EYA4: variants seen among roughly 807,000 people sequenced by gnomAD.
EYA4 encodes the protein EYA transcriptional coactivator and phosphatase 4.
Under a neutral mutation model 87.9 loss-of-function variants are expected in EYA4, and 31 were observed. The observed-to-expected ratio is 0.35, with a 90% CI of 0.27 to 0.48. EYA4 has a LOEUF of 0.48. EYA4 is among the 20% of genes least tolerant of loss of function. EYA4 has a pLI of 0.99. For missense variants in EYA4, 678 were observed against 761.4 expected, an observed-to-expected ratio of 0.89 and a Z score of 1.29; for synonymous variants, 263 against 270.6, an observed-to-expected ratio of 0.97 and a Z score of 0.28.
chr6:133,348,611 C>G (rs1168845491), intron 2 of EYA4, among the ~76,000 whole-genome samples: 1 of 152,108 alleles, frequency 6.6e-6, no homozygotes, highest in East Asian at 1.9e-4. Flanking sequence ...CATCCAGTCT[C>G]TGATCTTTAA....
intron 14 of EYA4, among the ~76,000 whole-genome samples, chr6:133,508,085 T>A (rs1466229640): frequency 6.6e-6 from 1 of 152,196 alleles, no homozygotes; most frequent in Non-Finnish European, 1.5e-5. Flanking sequence ...AGTGGTTCAG[T>A]ACATTCCATA....
intron 3 of EYA4, among the ~76,000 whole-genome samples, chr6:133,418,594 A>G (rs1028762879): frequency 5.3e-5 from 8 of 152,228 alleles, no homozygotes; most frequent in Admixed American, 2.0e-4. Flanking sequence ...TGTATTCTCC[A>G]TACATTTCAA....
Position 133,284,103 on chromosome 6 carries a change from A to G in EYA4, c.33+9290A>G, listed in dbSNP as rs547246148. 2.0e-5 allele frequency among the ~76,000 whole-genome samples: 3 copies of G among 152,362 alleles called. No homozygotes were observed. In the South Asian group the frequency reaches 6.2e-4, roughly 32 times the overall value. Reference sequence around the variant, plus strand: ...GTCAACTTGGTGTCATAGAGTATGTATTAAAACTCAGCTTGATCTTAGATT... The same window carrying G: ...GTCAACTTGGTGTCATAGAGTATGTGTTAAAACTCAGCTTGATCTTAGATT... On this transcript the variant is annotated intron_variant, in intron 2 of 19. Coordinates refer to ENST00000355286, the MANE Select transcript of EYA4 (RefSeq NM_004100.5).
In EYA4 at chr6:133,523,201, G is replaced by C. The variant is rs59368621; in HGVS notation, c.1738+24G>C. 11,790 of 1,608,130 alleles carry C rather than the reference G, an allele frequency of 7.3e-3. 763 individuals are homozygous for C. The African/African-American group carries it at 0.13, about 18-fold the overall frequency. On this transcript the variant is annotated intron_variant, in intron 18 of 19. Transcript: ENST00000355286. ...AGGTAAGGAAATTATTTTAAACTCT[G>C]TATGGAATGTGTCCACATCTGTGTG...
chr6:133,358,138 C>A (rs527432473), intron 2 of EYA4, among the ~76,000 whole-genome samples: 29 of 152,236 alleles, frequency 1.9e-4, no homozygotes, highest in African/African-American at 6.7e-4. Flanking sequence ...TATGCTTCAA[C>A]AGAGCAAAAC....
At chr6:133,363,765 G>A (rs1431590505) in intron 2 of EYA4, among the ~76,000 whole-genome samples, 3 of 152,006 alleles carry the variant, frequency 2.0e-5, no homozygotes, top group African/African-American at 4.8e-5. Flanking sequence ...GTGACCCACC[G>A]CGCCCGGCGA....
At chr6:133,334,910 G>A (rs746365748) in intron 2 of EYA4, among the ~76,000 whole-genome samples, 7 of 152,128 alleles carry the variant, frequency 4.6e-5, no homozygotes, top group Non-Finnish European at 8.8e-5. Context: ...GCTACATATA[G>A]CTACAAATAG....
chr6:133,322,304 AGTC>A (rs1196491064), intron 2 of EYA4, among the ~76,000 whole-genome samples: 1 of 152,240 alleles, frequency 6.6e-6, no homozygotes, highest in African/African-American at 2.4e-5. Flanking sequence ...AGAATTGTGT[AGTC>A]GTTGTGCTAT....
At chr6:133,330,593 A>T (rs1173906845) in intron 2 of EYA4, among the ~76,000 whole-genome samples, 2 of 141,430 alleles carry the variant, frequency 1.4e-5, no homozygotes, top group East Asian at 4.1e-4. Context: ...ACACACACAC[A>T]TACTTTTTTG....
intron 13 of EYA4, among the ~76,000 whole-genome samples, chr6:133,489,181 A>G (rs1017318600): frequency 2.0e-5 from 3 of 152,214 alleles, no homozygotes; most frequent in African/African-American, 7.2e-5. Context: ...GCTTGAAGAC[A>G]GGCTATTTGA....
chr6:133,384,284 T>C (rs954563373), intron 3 of EYA4, among the ~76,000 whole-genome samples: 4 of 152,152 alleles, frequency 2.6e-5, no homozygotes, highest in Non-Finnish European at 5.9e-5. Context: ...CCATGTGGCC[T>C]TAAAAATATA....
chr6:133,345,588 A>T (rs1783130410), intron 2 of EYA4, among the ~76,000 whole-genome samples: 1 of 152,198 alleles, frequency 6.6e-6, no homozygotes. Flanking sequence ...AGTACATTCA[A>T]CAGCATTACT....
At position 133,409,080 on chromosome 6, in the gene EYA4, A is replaced by G. The variant is rs563087755; in HGVS notation, c.83+26639A>G. ...GTCTGTAGCTGCTCTGTTACATGGA[A>G]AAGTCCTGAATGACAAAGGTCTACT... On this transcript the variant is annotated intron_variant, in intron 3 of 19. Transcript: ENST00000355286. Among the ~76,000 whole-genome samples the G allele has an allele frequency of 1.5e-4, 23 of 152,310 alleles. 1 individual carries two copies. In the South Asian group the frequency reaches 3.3e-3, roughly 22 times the overall value.
intron 1 of EYA4, among the ~76,000 whole-genome samples, chr6:133,264,887 A>G (rs78739796): frequency 0.023 from 3,433 of 152,154 alleles, 113 homozygotes; most frequent in African/African-American, 0.076. Flanking sequence ...GAAGAAGTGC[A>G]GTGTCGTGAT....
intron 2 of EYA4, among the ~76,000 whole-genome samples, chr6:133,279,723 T>C (rs1222557307): frequency 6.6e-6 from 1 of 152,152 alleles, no homozygotes; most frequent in Non-Finnish European, 1.5e-5. Context: ...CTCAGATCTT[T>C]GTTCCTAGAG....
chr6:133,457,872 C>T (rs1386797358), intron 6 of EYA4, among the ~76,000 whole-genome samples: 1 of 152,116 alleles, frequency 6.6e-6, no homozygotes, highest in Non-Finnish European at 1.5e-5. Context: ...CAGTAGTATA[C>T]TACAAGTTAA....
In EYA4 at chr6:133,352,505, C is replaced by A. The variant is rs190871437; in HGVS notation, c.34-29887C>A. On this transcript the variant is annotated intron_variant, in intron 2 of 19. Coordinates refer to ENST00000355286, the MANE Select transcript of EYA4 (RefSeq NM_004100.5). ...CATAAATGGTTAAGAATGTCATATA[C>A]GTACATATAAAATTGGTATAACAGG... 9.2e-5 allele frequency among the ~76,000 whole-genome samples: 14 copies of A among 152,006 alleles called. No individual in the cohort carries two copies. The East Asian group carries it at 2.7e-3, about 29-fold the overall frequency.
intron 19 of EYA4, chr6:133,526,044 A>G (rs1434312660): frequency 3.0e-6 from 1 of 330,172 alleles, no homozygotes. Context: ...TCTGGCCCGT[A>G]TTTCTGAAGA....
At chr6:133,383,245 A>G in intron 3 of EYA4, among the ~76,000 whole-genome samples, 1 of 152,206 alleles carries the variant, frequency 6.6e-6, no homozygotes. Context: ...ACATGAAAAC[A>G]TTGCATATCT....
Sources: gnomAD v4.1 joint callset for allele counts (sites outside exome capture counted in the v4.1 genomes callset) on GRCh38, gnomAD v4.1.1 for gene constraint, MANE v1.5 for transcripts, NCBI Gene and HGNC (gene_info 2026-07-23, HGNC 2026-07-21) for gene names.